The following UHMK1 variants were observed in gnomAD, a reference collection of about 807,000 sequenced individuals.
UHMK1 encodes U2AF homology motif kinase 1.
In UHMK1, 18 loss-of-function variants were observed where a neutral mutation model predicts 44.0. That is an observed-to-expected ratio of 0.41 (90% CI 0.28 to 0.61). The LOEUF (loss-of-function observed/expected upper bound fraction) is 0.61, where lower values mean the gene tolerates loss of function less well. Ranked by LOEUF, UHMK1 falls within the 20% of genes least tolerant of loss-of-function variation. The pLI is 0.31. For missense variants in UHMK1, 463 were observed against 522.5 expected (o/e 0.89, Z 1.11); for synonymous variants, 231 against 198.5 (o/e 1.16, Z -1.38).
chr1:162,515,797 G>A (rs2101681814), intron 6 of UHMK1, among the ~76,000 whole-genome samples: 1 of 152,086 alleles, frequency 6.6e-6, no homozygotes, highest in South Asian at 2.1e-4. Context: ...CATTTTGGGA[G>A]GCCGAGGCGG....
intron 4 of UHMK1, among the ~76,000 whole-genome samples, chr1:162,510,121 A>T (rs1336432099): frequency 1.3e-5 from 2 of 152,198 alleles, no homozygotes; most frequent in East Asian, 3.8e-4. Flanking sequence ...TGTATGTATC[A>T]TGTACAACGT....
chr1:162,508,374 A>G (rs1024162442), intron 4 of UHMK1, among the ~76,000 whole-genome samples: 1 of 151,650 alleles, frequency 6.6e-6, no homozygotes, highest in Admixed American at 6.6e-5. Context: ...AGCCTCCCAA[A>G]GTGCTGGGAT....
At position 162,497,991 on chromosome 1, in the gene UHMK1, A is replaced by C; in HGVS notation, c.-10A>C. 1 of 1,567,792 alleles carries C rather than the reference A, an allele frequency of 6.4e-7. No homozygotes were observed. The highest frequency in any genetic ancestry group is 8.7e-7 in the Non-Finnish European group (1 of 1,156,056). Reference sequence around the variant, plus strand: ...GTCAGCTCCCGTGTCCGTGCCCTTAACCCACACCGATGGCGGGATCCGGCT... The same window carrying C: ...GTCAGCTCCCGTGTCCGTGCCCTTACCCCACACCGATGGCGGGATCCGGCT... On this transcript the variant is annotated 5_prime_UTR_variant, in exon 1 of 8. Transcript: ENST00000489294.
chr1:162,499,102 G>A (rs1240027041), intron 1 of UHMK1, among the ~76,000 whole-genome samples: 1 of 152,068 alleles, frequency 6.6e-6, no homozygotes, highest in African/African-American at 2.4e-5. Flanking sequence ...CCTGATCTCT[G>A]CAAGATTAAA....
At chr1:162,507,353 C>T (rs1412574593) in intron 4 of UHMK1, among the ~76,000 whole-genome samples, 2 of 152,040 alleles carry the variant, frequency 1.3e-5, no homozygotes, top group African/African-American at 2.4e-5. Flanking sequence ...CTCCTGATCT[C>T]GTGATCCGCC....
chr1:162,514,878 T>C (rs1409710472), intron 6 of UHMK1, among the ~76,000 whole-genome samples: 1 of 152,206 alleles, frequency 6.6e-6, no homozygotes, highest in Non-Finnish European at 1.5e-5. Context: ...GTATCTAAGT[T>C]ACGTAAGTTA....
chr1:162,500,501 AG>A, intron 2 of UHMK1: 1 of 463,062 alleles, frequency 2.2e-6, no homozygotes, highest in Non-Finnish European at 3.8e-6. Flanking sequence ...TAACCTACAT[AG>A]AATGGTTTTT....
chr1:162,512,883 T>C (rs1483237550), intron 6 of UHMK1, 60 bp downstream of exon 6: 5 of 1,435,020 alleles, frequency 3.5e-6, no homozygotes, highest in Non-Finnish European at 4.9e-6. Context: ...AGAATAAACA[T>C]ATCCGTAACA....
chr1:162,517,996 ATTAC>A (rs1265589137), intron 6 of UHMK1, 102 bp from the exon 7 acceptor site: 2 of 695,838 alleles, frequency 2.9e-6, no homozygotes, highest in East Asian at 5.4e-5. Context: ...AAATGACCTC[ATTAC>A]TAGTTATGTA....
At chr1:162,497,214 C>T (rs1224541484), upstream of UHMK1, 4 of 696,850 alleles carry the variant, frequency 5.7e-6, no homozygotes, top group Admixed American at 4.1e-5. Context: ...GCAGATGAAG[C>T]CTCCAGGTAC....
chr1:162,498,202 G>T lies in UHMK1; in HGVS notation c.202G>T (p.Ala68Ser), dbSNP rs552401052. 4.3e-6 allele frequency: 7 copies of T among 1,612,664 alleles called. No homozygotes were observed. The Middle Eastern group carries it at 5.0e-4, about 114-fold the overall frequency. Residue 68 changes from alanine (A) to serine (S), a missense_variant, in exon 1 of 8, where the codon GCC (alanine) becomes TCC (serine). This residue lies in a region of UHMK1 where 191 missense variants were observed against 176.0 expected (regional missense o/e 1.09). Transcript: ENST00000489294. ...PPGTTGAAASAAEYGFRKERA... is the reference protein window; with the variant it reads ...PPGTTGAAASSAEYGFRKERA... Reference sequence around the variant, plus strand: ...AGGAACCACCGGGGCTGCGGCCTCTGCCGCCGAGTATGGTTTCCGCAAAGA... The same window carrying T: ...AGGAACCACCGGGGCTGCGGCCTCTTCCGCCGAGTATGGTTTCCGCAAAGA...
rs1008962725 is a variant in UHMK1 at position 162,527,058 on chromosome 1, A to G, written c.*4508A>G. 1.3e-5 allele frequency: 2 copies of G among 152,102 alleles called. No homozygotes were observed. The highest frequency in any genetic ancestry group is 2.4e-5 in the African/African-American group (1 of 41,450). The allele number at this position is 152,102 out of a possible 1,614,324, so 9.4% of individuals were successfully genotyped here. A position where few individuals can be genotyped will look rare whatever the true frequency, so the allele number is the denominator to read the frequency against. On this transcript the variant is annotated 3_prime_UTR_variant, in exon 8 of 8. Coordinates refer to ENST00000489294, the MANE Select transcript of UHMK1 (RefSeq NM_175866.5). The stretch of plus-strand genomic sequence containing the variant: ...TGAATATAAAAATGTTGTCTCCATC[A>G]TACAGAGCTGAGCCTCTTGTGGTAT...
At position 162,529,537 on chromosome 1, in the gene UHMK1, CAT is replaced by C. The variant is rs1652371587; in HGVS notation, c.*6989_*6990del. ...TCAGTTTTGTTGTAAACTGACTTAC[CAT>C]AAGATGCACTGTTGATAATGCTTTC... On this transcript the variant is annotated 3_prime_UTR_variant, in exon 8 of 8. Transcript: ENST00000489294. The C allele has an allele frequency of 6.6e-6, 1 of 152,006 alleles. No homozygotes were observed. The highest frequency in any genetic ancestry group is 2.4e-5 in the African/African-American group (1 of 41,400). The allele number at this position is 152,006 out of a possible 1,614,324, so 9.4% of individuals were successfully genotyped here.
chr1:162,509,592 A>G (rs1651595586), intron 4 of UHMK1, among the ~76,000 whole-genome samples: 1 of 152,182 alleles, frequency 6.6e-6, no homozygotes, highest in Non-Finnish European at 1.5e-5. Flanking sequence ...CATAGATGCC[A>G]ATATAGTGCA....
At chr1:162,508,655 T>C (rs1253409896) in intron 4 of UHMK1, among the ~76,000 whole-genome samples, 2 of 151,798 alleles carry the variant, frequency 1.3e-5, no homozygotes, top group African/African-American at 4.8e-5. Flanking sequence ...TGAGCCAAGA[T>C]TGCACCACTG....
chr1:162,528,337 A>G lies in UHMK1; in HGVS notation c.*5787A>G, dbSNP rs1016041417. On this transcript the variant is annotated 3_prime_UTR_variant, in exon 8 of 8. Coordinates refer to ENST00000489294, the MANE Select transcript of UHMK1 (RefSeq NM_175866.5). ...TATATAGTTAATGAGCTAAAAAATG[A>G]TACTTAAAGTTCCAGGTTTGGTACC... The G allele has an allele frequency of 6.6e-6, 1 of 152,126 alleles. No homozygotes were observed. Among genetic ancestry groups the G allele is most frequent in the Non-Finnish European group, 1.5e-5 (1 of 67,970 alleles). The allele number at this position is 152,126 out of a possible 1,614,324, so 9.4% of individuals were successfully genotyped here. A position where few individuals can be genotyped will look rare whatever the true frequency, so the allele number is the denominator to read the frequency against.
intron 7 of UHMK1, among the ~76,000 whole-genome samples, chr1:162,519,401 C>T (rs1186536301): frequency 2.0e-5 from 3 of 151,216 alleles, no homozygotes; most frequent in Non-Finnish European, 4.4e-5. Context: ...TAATTTTGTT[C>T]TAATTAGGTA....
At chr1:162,518,806 G>A (rs1169272070) in intron 7 of UHMK1, among the ~76,000 whole-genome samples, 3 of 152,026 alleles carry the variant, frequency 2.0e-5, no homozygotes, top group East Asian at 3.9e-4. Context: ...GGCCAACATG[G>A]TGAACCCTTT....
chr1:162,504,364 G>A (rs1651392527), intron 4 of UHMK1, among the ~76,000 whole-genome samples: 1 of 152,190 alleles, frequency 6.6e-6, no homozygotes, highest in Non-Finnish European at 1.5e-5. Context: ...GTAGGGATCT[G>A]TTGTGAGAAA....
Sources: allele counts gnomAD v4.1 joint callset (sites outside exome capture counted in the v4.1 genomes callset), GRCh38; gene constraint gnomAD v4.1.1; regional missense constraint gnomAD v4.1.1; transcripts MANE v1.5; gene names NCBI Gene and HGNC (gene_info 2026-07-23, HGNC 2026-07-21).